The following NEDD4L variants were observed in gnomAD, a reference collection of about 807,000 sequenced individuals.
NEDD4L encodes the protein NEDD4 like E3 ubiquitin protein ligase, also known as E3 ubiquitin-protein ligase NEDD4-like.
NEDD4L carries 54 observed loss-of-function variants against 148.9 expected under a neutral mutation model. The observed-to-expected ratio is 0.36, with a 90% CI of 0.29 to 0.45. The LOEUF (loss-of-function observed/expected upper bound fraction) is 0.45, where lower values mean the gene tolerates loss of function less well. Ranked by LOEUF, NEDD4L falls within the 20% of genes least tolerant of loss-of-function variation. The probability of loss-of-function intolerance (pLI) is 1.00; values close to 1 mark genes in which losing one functional copy is unlikely to be tolerated. For missense variants in NEDD4L, 856 were observed against 1,233.8 expected, an observed-to-expected ratio of 0.69 and a Z score of 4.59; for synonymous variants, 433 against 440.7, an observed-to-expected ratio of 0.98 and a Z score of 0.22.
intron 14 of NEDD4L, among the ~76,000 whole-genome samples, 197 bp downstream of exon 14, chr18:58,341,366 A>C (rs1222851807): frequency 6.6e-6 from 1 of 152,236 alleles, no homozygotes; most frequent in Admixed American, 6.5e-5. Flanking sequence ...TTATCACTGA[A>C]TATATTTTAA....
At chr18:58,136,367 T>C (rs2032849555) in intron 1 of NEDD4L, among the ~76,000 whole-genome samples, 1 of 152,206 alleles carries the variant, frequency 6.6e-6, no homozygotes, top group South Asian at 2.1e-4. Flanking sequence ...GTCTGCTTGC[T>C]TGGGGACTGA....
rs752570774 is a variant in NEDD4L, at chr18:58,335,543, G to A, written c.1125+6G>A. 6.2e-7 allele frequency: 1 copy of A among 1,610,470 alleles called. No homozygotes were observed. The highest frequency in any genetic ancestry group is 1.1e-5 in the South Asian group (1 of 91,006). On this transcript the variant is annotated splice_donor_region_variant and intron_variant, in intron 13 of 30. Coordinates refer to ENST00000400345, the MANE Select transcript of NEDD4L (RefSeq NM_001144967.3). ...CGGGTGGTGAGGAACCAACGGTAAT[G>A]ATCCACTTTATCAGACATCAATAGC... is the stretch of plus-strand genomic sequence containing the variant.
intron 24 of NEDD4L, among the ~76,000 whole-genome samples, chr18:58,382,150 A>G (rs1399890758): frequency 1.3e-5 from 2 of 152,250 alleles, no homozygotes; most frequent in Non-Finnish European, 2.9e-5. Flanking sequence ...TTGAAAAGCC[A>G]TCTCAGTGTG....
Position 58,096,190 on chromosome 18 carries a change from A to C in NEDD4L, c.48+51482A>C, listed in dbSNP as rs186187176. ...TTTCCTTTATTATTTTCTTCTGTAC[A>C]GGGTACTTTATAACCAATAGCTGTT... On this transcript the variant is annotated intron_variant, in intron 1 of 30. Transcript: ENST00000400345. Among the ~76,000 whole-genome samples the C allele has an allele frequency of 1.9e-3, 290 of 152,100 alleles. 1 individual carries two copies. The highest frequency in any genetic ancestry group is 2.9e-3 in the Non-Finnish European group (194 of 67,996).
rs2049443383 is a variant in NEDD4L, at chr18:58,389,129, A to G, written c.2592A>G (p.Arg864=). Residue 864 remains arginine, a synonymous_variant, in exon 28 of 31, where the codon AGA becomes AGG. Transcript: ENST00000400345. ...GTGATGTGGATGTGAATGACTGGAG[A>G]CAGCATTCTATTTACAAGAACGGCT... is the stretch of plus-strand genomic sequence containing the variant. The part of the protein sequence containing the change: ...GLGDVDVNDW[R]QHSIYKNGYC... The G allele has an allele frequency of 1.2e-6, 2 of 1,613,780 alleles. No homozygotes were observed. Among genetic ancestry groups the G allele is most frequent in the East Asian group, 2.2e-5 (1 of 44,900 alleles).
chr18:58,279,446 A>G (rs1254500803), intron 5 of NEDD4L, among the ~76,000 whole-genome samples: 1 of 152,234 alleles, frequency 6.6e-6, no homozygotes, highest in East Asian at 1.9e-4. Context: ...TAGGATTTAT[A>G]CTTGCAAAGG....
intron 13 of NEDD4L, among the ~76,000 whole-genome samples, chr18:58,340,378 C>T (rs1601458305): frequency 6.6e-6 from 1 of 152,216 alleles, no homozygotes; most frequent in African/African-American, 2.4e-5. Flanking sequence ...AAACACACTC[C>T]TATCAGCAGA....
intron 19 of NEDD4L, among the ~76,000 whole-genome samples, chr18:58,361,787 T>C (rs142154210): frequency 2.9e-4 from 44 of 152,310 alleles, no homozygotes; most frequent in Non-Finnish European, 1.0e-4. Flanking sequence ...TCAACAGATA[T>C]GTTCATTTTT....
chr18:58,312,838 G>T (rs2057856078), intron 5 of NEDD4L, among the ~76,000 whole-genome samples: 1 of 152,172 alleles, frequency 6.6e-6, no homozygotes, highest in Admixed American at 6.5e-5. Context: ...GAGCCACCAA[G>T]CCCAGCTAAT....
At chr18:58,305,632 G>A (rs1052893121) in intron 5 of NEDD4L, among the ~76,000 whole-genome samples, 11 of 152,188 alleles carry the variant, frequency 7.2e-5, no homozygotes, top group African/African-American at 2.4e-4. Context: ...CTGCCTAAAC[G>A]AGCACCTGCT....
At chr18:58,169,318 G>A (rs1951156990) in intron 2 of NEDD4L, among the ~76,000 whole-genome samples, 1 of 152,226 alleles carries the variant, frequency 6.6e-6, no homozygotes, top group Admixed American at 6.5e-5. Flanking sequence ...AGCAATGGCA[G>A]AGAAAGATGC....
Position 58,165,798 on chromosome 18 carries a change from G to A in NEDD4L, c.59G>A (p.Arg20His), listed in dbSNP as rs375068828. Residue 20 changes from arginine to histidine, a missense_variant, in exon 2 of 31, where the codon CGT (arginine) becomes CAT (histidine). Arg to His is a conservative substitution (Grantham distance 29). Around this residue, in one of 4 missense-constraint regions of NEDD4L, gnomAD observed 193 missense variants for 244.2 expected, o/e 0.79. Coordinates refer to ENST00000400345, the MANE Select transcript of NEDD4L (RefSeq NM_001144967.3). ...TTCTCCTTCTCACAGGGAGAGTCCC[G>A]TATTCTCAGAGTAAAAGTTGTTTCT... Reference protein sequence around the residue: ...YGLSEDEGESRILRVKVVSGI... With the variant: ...YGLSEDEGESHILRVKVVSGI... 1.8e-5 allele frequency: 29 copies of A among 1,610,162 alleles called. No individual in the cohort carries two copies. Among genetic ancestry groups the A allele is most frequent in the African/African-American group, 1.7e-4 (13 of 74,882 alleles).
chr18:58,176,357 C>T (rs1342395037), intron 2 of NEDD4L, among the ~76,000 whole-genome samples: 2 of 152,058 alleles, frequency 1.3e-5, no homozygotes, highest in Admixed American at 6.6e-5. Context: ...TAAAAAGAGA[C>T]AGGAGTCTTG....
chr18:58,087,829 G>A (rs541395615), intron 1 of NEDD4L, among the ~76,000 whole-genome samples: 10 of 152,304 alleles, frequency 6.6e-5, no homozygotes, highest in African/African-American at 1.7e-4. Flanking sequence ...AGCTGAGATC[G>A]CACCATTGCA....
chr18:58,135,341 G>A (rs1420708543), intron 1 of NEDD4L, among the ~76,000 whole-genome samples: 2 of 152,250 alleles, frequency 1.3e-5, no homozygotes, highest in African/African-American at 4.8e-5. Flanking sequence ...TCATGTGGTA[G>A]TTTAATGATA....
chr18:58,081,678 A>G (rs1400941606), intron 1 of NEDD4L, among the ~76,000 whole-genome samples: 1 of 152,064 alleles, frequency 6.6e-6, no homozygotes, highest in Non-Finnish European at 1.5e-5. Flanking sequence ...TGCAGCCTTG[A>G]TTTATGTTTT....
chr18:58,329,301 C>T (rs1479103584), intron 10 of NEDD4L, among the ~76,000 whole-genome samples, 174 bp downstream of exon 10: 2 of 152,136 alleles, frequency 1.3e-5, no homozygotes, highest in Non-Finnish European at 2.9e-5. Flanking sequence ...CCTATAAAAG[C>T]CGTATTTGAC....
rs897366915 is a variant in NEDD4L, at chr18:58,383,382, C to T, written c.2426+63C>T. ...ATTGAAATGCATGTTTGGTCACTGT[C>T]CCTTGCTGAAACAGCTCATGCATTT... On this transcript the variant is annotated intron_variant, in intron 25 of 30. Coordinates refer to ENST00000400345, the MANE Select transcript of NEDD4L (RefSeq NM_001144967.3). The T allele has an allele frequency of 1.1e-5, 10 of 929,224 alleles. No individual in the cohort carries two copies. In the South Asian group the frequency reaches 1.2e-4, roughly 11 times the overall value. The allele number at this position is 929,224 out of a possible 1,614,324, so 57.6% of individuals were successfully genotyped here. A position where few individuals can be genotyped will look rare whatever the true frequency, so the allele number is the denominator to read the frequency against.
At chr18:58,172,986 C>T (rs1346103459) in intron 2 of NEDD4L, among the ~76,000 whole-genome samples, 2 of 152,162 alleles carry the variant, frequency 1.3e-5, no homozygotes, top group African/African-American at 4.8e-5. Context: ...TTGATGGTAG[C>T]TGAGTAAGCC....
Sources: allele counts gnomAD v4.1 joint callset (sites outside exome capture counted in the v4.1 genomes callset), GRCh38; gene constraint gnomAD v4.1.1; regional missense constraint gnomAD v4.1.1; transcripts MANE v1.5; gene names NCBI Gene and HGNC (gene_info 2026-07-23, HGNC 2026-07-21).